Variants in OCA2 observed in about 807,000 individuals in gnomAD.
OCA2 encodes OCA2 melanosomal transmembrane protein.
OCA2 carries 77 observed loss-of-function variants against 100.2 expected under a neutral mutation model. The ratio of observed to expected loss-of-function variants is 0.77; its 90% CI spans 0.64 to 0.93. The LOEUF is 0.93. Among genes scored for constraint, OCA2 ranks in the 40% least tolerant of loss-of-function variants. The probability of loss-of-function intolerance (pLI) is 0.00; values close to 1 mark genes in which losing one functional copy is unlikely to be tolerated. For missense variants in OCA2, 1,062 were observed against 1,089.1 expected (o/e 0.98, Z 0.35); for synonymous variants, 432 against 439.2 (o/e 0.98, Z 0.21).
chr15:28,052,855 G>C (rs981431443), intron 2 of OCA2, among the ~76,000 whole-genome samples: 12 of 152,156 alleles, frequency 7.9e-5, no homozygotes, highest in African/African-American at 1.9e-4. Context: ...TTCTAGGAAG[G>C]GGGTAATGGA....
intron 15 of OCA2, among the ~76,000 whole-genome samples, chr15:27,962,353 C>CT (rs2040435400): frequency 6.6e-6 from 1 of 152,222 alleles, no homozygotes; most frequent in Non-Finnish European, 1.5e-5. Flanking sequence ...TCTTACCTCT[C>CT]TATCAGCCTC....
chr15:28,063,063 C>T (rs1262120867), intron 2 of OCA2, among the ~76,000 whole-genome samples: 1 of 152,118 alleles, frequency 6.6e-6, no homozygotes, highest in African/African-American at 2.4e-5. Flanking sequence ...CTATGACTTG[C>T]AGGATCAGTG....
chr15:27,735,372 G>C, the OCA2 span, among the ~76,000 whole-genome samples: 1 of 152,076 alleles, frequency 6.6e-6, no homozygotes, highest in Admixed American at 6.5e-5. Flanking sequence ...AAATTTATAG[G>C]ACAACATCAA....
intron 21 of OCA2, among the ~76,000 whole-genome samples, chr15:27,852,691 T>G (rs2035798036): frequency 1.3e-5 from 2 of 150,436 alleles, no homozygotes; most frequent in Non-Finnish European, 3.0e-5. Context: ...AGGGCTAATA[T>G]CCAGAATCTA....
chr15:28,022,305 C>T (rs931976798), intron 6 of OCA2, among the ~76,000 whole-genome samples, 196 bp downstream of exon 6: 1 of 152,252 alleles, frequency 6.6e-6, no homozygotes, highest in African/African-American at 2.4e-5. Context: ...CCACCAACCC[C>T]GCCACTGTCT....
intron 23 of OCA2, among the ~76,000 whole-genome samples, chr15:27,804,884 C>T (rs996593196): frequency 6.6e-6 from 1 of 152,248 alleles, no homozygotes; most frequent in Non-Finnish European, 1.5e-5. Flanking sequence ...TGCATTCTGT[C>T]AGTCGTCCGT....
At chr15:27,922,885 T>C (rs1003485855) in intron 19 of OCA2, among the ~76,000 whole-genome samples, 1 of 152,094 alleles carries the variant, frequency 6.6e-6, no homozygotes, top group African/African-American at 2.4e-5. Context: ...TCACAGGAGT[T>C]TGTTGTACAG....
chr15:28,081,617 C>T, intron 2 of OCA2, 31 bp downstream of exon 2: 1 of 1,590,810 alleles, frequency 6.3e-7, no homozygotes, highest in Non-Finnish European at 8.6e-7. Context: ...GTGAAGTCCA[C>T]ATTTACAAGA....
intron 23 of OCA2, among the ~76,000 whole-genome samples, chr15:27,769,540 G>A (rs1399028301): frequency 6.6e-6 from 1 of 152,090 alleles, no homozygotes; most frequent in Non-Finnish European, 1.5e-5. Flanking sequence ...ATTGGGTGCA[G>A]GGCACACTGC....
chr15:27,962,551 G>A (rs1328753986), intron 15 of OCA2, among the ~76,000 whole-genome samples: 1 of 152,176 alleles, frequency 6.6e-6, no homozygotes, highest in Non-Finnish European at 1.5e-5. Flanking sequence ...GCCAGAAAGA[G>A]AGAAATGGAA....
chr15:27,914,967 T>C (rs2038608474), intron 19 of OCA2, among the ~76,000 whole-genome samples: 1 of 152,126 alleles, frequency 6.6e-6, no homozygotes, highest in Non-Finnish European at 1.5e-5. Flanking sequence ...CAAACTATAC[T>C]ACATGACTAC....
chr15:27,992,642 A>G (rs958204189), intron 9 of OCA2, among the ~76,000 whole-genome samples: 1 of 152,236 alleles, frequency 6.6e-6, no homozygotes, highest in East Asian at 1.9e-4. Flanking sequence ...CTTCATTAGT[A>G]GAACAGGATG....
chr15:27,996,792 C>A (rs919511446), intron 9 of OCA2, among the ~76,000 whole-genome samples: 5 of 151,908 alleles, frequency 3.3e-5, no homozygotes, highest in African/African-American at 1.2e-4. Flanking sequence ...AAGATTGAAG[C>A]ACTAATCAAA....
At chr15:28,067,156 A>G (rs28642696) in intron 2 of OCA2, among the ~76,000 whole-genome samples, 9,092 of 152,276 alleles carry the variant, frequency 0.06, 893 homozygotes, top group African/African-American at 0.21. Flanking sequence ...ACAGTGTTTG[A>G]CTTTTCTCAT....
chr15:28,007,469 G>A (rs1350488408), intron 9 of OCA2, among the ~76,000 whole-genome samples: 2 of 152,172 alleles, frequency 1.3e-5, no homozygotes, highest in South Asian at 2.1e-4. Flanking sequence ...GGTGGCTCAC[G>A]CCTGTAATCC....
At chr15:27,803,228 G>A (rs1019334367) in intron 23 of OCA2, among the ~76,000 whole-genome samples, 20 of 151,910 alleles carry the variant, frequency 1.3e-4, no homozygotes, top group African/African-American at 4.1e-4. Flanking sequence ...ACCCCACTTC[G>A]GCATATATAC....
chr15:27,819,571 G>A (rs1269025891), intron 23 of OCA2, among the ~76,000 whole-genome samples: 1 of 152,306 alleles, frequency 6.6e-6, no homozygotes, highest in African/African-American at 2.4e-5. Context: ...TGGATGATGG[G>A]AATTAGGTTT....
intron 18 of OCA2, among the ~76,000 whole-genome samples, chr15:27,938,608 G>T (rs1009698529): frequency 6.6e-6 from 1 of 152,160 alleles, no homozygotes; most frequent in African/African-American, 2.4e-5. Flanking sequence ...TTAGAGGCTG[G>T]TAAGTTTCAC....
At chr15:27,917,319 T>A (rs13329576) in intron 19 of OCA2, among the ~76,000 whole-genome samples, 59,240 of 151,992 alleles carry the variant, frequency 0.39, 11,671 homozygotes, top group Middle Eastern at 0.54. Flanking sequence ...ATTAATAGAC[T>A]ATTCTAAAGA....
Sources: gnomAD v4.1 joint callset for allele counts (sites outside exome capture counted in the v4.1 genomes callset) on GRCh38, gnomAD v4.1.1 for gene constraint, MANE v1.5 for transcripts, NCBI Gene and HGNC (gene_info 2026-07-23, HGNC 2026-07-21) for gene names.